PPP2R3A: variants seen among roughly 807,000 people sequenced by gnomAD.
PPP2R3A encodes the protein protein phosphatase 2 regulatory subunit B''alpha.
A neutral mutation model predicts 106.9 loss-of-function variants in PPP2R3A; 80 were observed. That is an observed-to-expected ratio of 0.75 (90% CI 0.62 to 0.90). The LOEUF is 0.90. Among genes scored for constraint, PPP2R3A ranks in the 40% least tolerant of loss-of-function variants. The probability of loss-of-function intolerance (pLI) is 0.00; values close to 1 mark genes in which losing one functional copy is unlikely to be tolerated. For synonymous variants in PPP2R3A, 483 were observed against 468.3 expected (o/e 1.03, Z -0.41); for missense variants, 1,386 against 1,350.4 (o/e 1.03, Z -0.41).
At chr3:135,991,673 C>G (rs1933168761) in intron 1 of PPP2R3A, among the ~76,000 whole-genome samples, 1 of 152,110 alleles carries the variant, frequency 6.6e-6, no homozygotes, top group African/African-American at 2.4e-5. Flanking sequence ...CTCATGTTCC[C>G]TAGACCCCAG....
In PPP2R3A at chr3:136,101,182, A is replaced by G. The variant is rs151297420; in HGVS notation, c.2928-825A>G. On this transcript the variant is annotated intron_variant, in intron 10 of 13. Coordinates refer to ENST00000264977, the MANE Select transcript of PPP2R3A (RefSeq NM_002718.5). ...GAACATGCAATTGACAGAGCACCTC[A>G]TGGAACTGAGTGTGGATTTAGACAA... Among the ~76,000 whole-genome samples, 1,148 of 152,362 alleles carry G rather than the reference A, an allele frequency of 7.5e-3. 18 individuals are homozygous for G. The highest frequency in any genetic ancestry group is 0.026 in the African/African-American group (1,084 of 41,582).
intron 2 of PPP2R3A, among the ~76,000 whole-genome samples, chr3:136,012,336 T>G (rs1188918760): frequency 6.6e-6 from 1 of 152,188 alleles, no homozygotes; most frequent in Non-Finnish European, 1.5e-5. Flanking sequence ...GAACAACATC[T>G]ACCCCAAGTA....
At chr3:136,140,453 A>AAAAAAAAAAAAAC (rs1938815812) in intron 13 of PPP2R3A, among the ~76,000 whole-genome samples, 1 of 149,762 alleles carries the variant, frequency 6.7e-6, no homozygotes, top group African/African-American at 2.5e-5. Flanking sequence ...AAAAAAAAAA[A>AAAAAAAAAAAAAC]AAAAAAAAAA....
At chr3:136,094,443 T>C (rs1259918286) in intron 10 of PPP2R3A, among the ~76,000 whole-genome samples, 2 of 152,094 alleles carry the variant, frequency 1.3e-5, no homozygotes, top group Non-Finnish European at 2.9e-5. Flanking sequence ...GTAAACAAAA[T>C]GGAATTAATG....
chr3:136,086,265 C>G (rs935363181), intron 8 of PPP2R3A, among the ~76,000 whole-genome samples: 4 of 152,080 alleles, frequency 2.6e-5, no homozygotes, highest in African/African-American at 7.2e-5. Context: ...AGGTGGATTA[C>G]TAGGTCAGGA....
At chr3:135,968,654 G>A (rs558206528) in intron 1 of PPP2R3A, among the ~76,000 whole-genome samples, 2 of 128,802 alleles carry the variant, frequency 1.6e-5, no homozygotes, top group South Asian at 5.1e-4. Context: ...CCTCCTCCAA[G>A]CAAATCAGAG....
At chr3:135,983,486 A>G (rs575514143) in intron 1 of PPP2R3A, among the ~76,000 whole-genome samples, 1 of 152,338 alleles carries the variant, frequency 6.6e-6, no homozygotes, top group African/African-American at 2.4e-5. Flanking sequence ...GACTTTGCAA[A>G]TAAGTGGAAA....
chr3:135,988,869 A>T (rs920827841), intron 1 of PPP2R3A, among the ~76,000 whole-genome samples: 3 of 152,150 alleles, frequency 2.0e-5, no homozygotes, highest in Non-Finnish European at 4.4e-5. Context: ...TCCATCAATG[A>T]TGCTACAGTC....
intron 13 of PPP2R3A, among the ~76,000 whole-genome samples, chr3:136,117,060 A>T (rs1029484403): frequency 2.6e-5 from 4 of 152,192 alleles, no homozygotes; most frequent in Admixed American, 6.5e-5. Flanking sequence ...AGTGCAATCA[A>T]ATTAGAACTC....
intron 5 of PPP2R3A, among the ~76,000 whole-genome samples, chr3:136,061,117 A>G (rs1936061522): frequency 6.6e-6 from 1 of 152,208 alleles, no homozygotes; most frequent in Admixed American, 6.5e-5. Flanking sequence ...TAGGTACCAA[A>G]AGCTCAGCAT....
At chr3:136,055,320 C>T (rs1198979396) in intron 5 of PPP2R3A, 3 of 915,768 alleles carry the variant, frequency 3.3e-6, no homozygotes, top group African/African-American at 3.2e-5. Context: ...AACATCTTTA[C>T]ATTGCTCAAT....
chr3:136,074,364 C>G (rs972837580), intron 6 of PPP2R3A, among the ~76,000 whole-genome samples: 16 of 151,964 alleles, frequency 1.1e-4, no homozygotes, highest in Non-Finnish European at 5.9e-5. Flanking sequence ...ACATCATTAC[C>G]CAAAAAAAGA....
rs370864954 is a variant in PPP2R3A, at chr3:136,144,919, G to A, written c.3330-124G>A. The A allele has an allele frequency of 1.1e-4, 115 of 1,022,620 alleles. No individual in the cohort carries two copies. In the Admixed American group the frequency reaches 1.4e-3, roughly 12 times the overall value. 63.3% of individuals were successfully genotyped at this position (1,022,620 alleles called of 1,614,324 possible). A position where few individuals can be genotyped will look rare whatever the true frequency, so the allele number is the denominator to read the frequency against. ...CCTTCACGGCAGTTGAGTTGCTCAC[G>A]GCCTCCATTTAGCAATTCAAGGTAC... On this transcript the variant is annotated intron_variant, in intron 13 of 13. Transcript: ENST00000264977.
Position 136,106,217 on chromosome 3 carries a change from A to T in PPP2R3A, c.3224A>T (p.Asp1075Val). ...EQRDPFAVQK[D>V]VENDGPEPSD... ...CGTGGCTGTCTTCTTTCCAATCAGG[A>T]TGTTGAGAACGATGGGCCTGAGCCC... The change falls in exon 13 of 14, where the codon GAT becomes GTT. Residue 1075 changes from aspartate (D) to valine (V), a missense_variant and splice_region_variant. Physicochemically the swap from Asp to Val is radical, Grantham distance 152. Coordinates refer to ENST00000264977, the MANE Select transcript of PPP2R3A (RefSeq NM_002718.5). 1 of 1,601,050 alleles carries T rather than the reference A, an allele frequency of 6.2e-7. No homozygotes were observed. Among genetic ancestry groups the T allele is most frequent in the Non-Finnish European group, 8.5e-7 (1 of 1,175,162 alleles).
chr3:136,134,730 A>G (rs947892118), intron 13 of PPP2R3A, among the ~76,000 whole-genome samples: 1 of 151,834 alleles, frequency 6.6e-6, no homozygotes, highest in African/African-American at 2.4e-5. Context: ...GTACTGTATT[A>G]CTTTAACAAA....
chr3:136,124,945 C>T (rs891353748), intron 13 of PPP2R3A, among the ~76,000 whole-genome samples: 1 of 152,030 alleles, frequency 6.6e-6, no homozygotes. Context: ...AAAACTGACT[C>T]AAGAAGAAAT....
intron 13 of PPP2R3A, among the ~76,000 whole-genome samples, chr3:136,136,074 T>TA (rs1491542071): frequency 0.025 from 755 of 30,316 alleles, 44 homozygotes; most frequent in African/African-American, 0.047. Flanking sequence ...AAAAAAAAAA[T>TA]TATATATATA....
intron 13 of PPP2R3A, among the ~76,000 whole-genome samples, chr3:136,141,114 A>T (rs539447812): frequency 2.6e-5 from 4 of 152,228 alleles, no homozygotes; most frequent in African/African-American, 9.6e-5. Context: ...ACACTTTACA[A>T]TCAAGTGAGG....
intron 13 of PPP2R3A, among the ~76,000 whole-genome samples, chr3:136,136,890 G>A (rs1938643150): frequency 2.0e-5 from 3 of 152,154 alleles, no homozygotes; most frequent in Non-Finnish European, 4.4e-5. Flanking sequence ...ATCACTGCAG[G>A]TCTCAGTGAG....
Sources: allele counts gnomAD v4.1 joint callset (sites outside exome capture counted in the v4.1 genomes callset), GRCh38; gene constraint gnomAD v4.1.1; transcripts MANE v1.5; gene names NCBI Gene and HGNC (gene_info 2026-07-23, HGNC 2026-07-21).